Variants in EIF2S2 observed in about 807,000 individuals in gnomAD.
EIF2S2 encodes the protein eukaryotic translation initiation factor 2 subunit 2.
Under a neutral mutation model 44.0 loss-of-function variants are expected in EIF2S2, and 4 were observed. The ratio of observed to expected loss-of-function variants is 0.09; its 90% CI spans 0.04 to 0.21. The LOEUF (loss-of-function observed/expected upper bound fraction) is 0.21. EIF2S2 is among the 10% of genes least tolerant of loss of function. EIF2S2 has a pLI of 1.00. For synonymous variants in EIF2S2, 108 were observed against 128.3 expected, an observed-to-expected ratio of 0.84 and a Z score of 1.07; for missense variants, 154 against 392.0, an observed-to-expected ratio of 0.39 and a Z score of 5.13.
At chr20:34,093,615 C>A in intron 7 of EIF2S2, 60 bp downstream of exon 7, 1 of 1,436,798 alleles carries the variant, frequency 7.0e-7, no homozygotes, top group South Asian at 1.3e-5. Context: ...ATATCCTTTT[C>A]AAGAAAGGTT....
At chr20:34,095,073 G>A (rs1405632630) in intron 6 of EIF2S2, among the ~76,000 whole-genome samples, 4 of 152,118 alleles carry the variant, frequency 2.6e-5, no homozygotes, top group African/African-American at 4.8e-5. Context: ...AAAGATGTTC[G>A]GTGAAGTTTT....
chr20:34,103,673 A>G (rs2034318330), intron 2 of EIF2S2, 108 bp from the exon 3 acceptor site: 2 of 1,352,298 alleles, frequency 1.5e-6, no homozygotes, highest in Non-Finnish European at 9.6e-7. Flanking sequence ...AAGACTGACT[A>G]TTAATTAGTC....
chr20:34,091,264 T>C (rs2034159098), intron 7 of EIF2S2, among the ~76,000 whole-genome samples: 1 of 152,214 alleles, frequency 6.6e-6, no homozygotes, highest in Non-Finnish European at 1.5e-5. Flanking sequence ...AGGAGAGACC[T>C]AGAAATATAA....
intron 4 of EIF2S2, 83 bp downstream of exon 4, chr20:34,098,415 A>C: frequency 1.3e-6 from 2 of 1,510,286 alleles, no homozygotes; most frequent in Non-Finnish European, 1.8e-6. Context: ...AAAAATTTTA[A>C]AAGCACCCTC....
At position 34,093,002 on chromosome 20, in the gene EIF2S2, ATTG is replaced by A. The variant is rs1489855082; in HGVS notation, c.740+670_740+672del. ...ATATTACTTTCTACTTCATAGAACT[ATTG>A]TGAAGATTAATTGAGATGGCACCCA... On this transcript the variant is annotated intron_variant, in intron 7 of 8. Transcript: ENST00000374980. 2.0e-5 allele frequency among the ~76,000 whole-genome samples: 3 copies of A among 152,334 alleles called. No homozygotes were observed. In the East Asian group the frequency reaches 5.8e-4, roughly 29 times the overall value.
chr20:34,105,930 TG>T (rs946359792), intron 1 of EIF2S2, among the ~76,000 whole-genome samples: 2 of 152,156 alleles, frequency 1.3e-5, no homozygotes, highest in African/African-American at 4.8e-5. Flanking sequence ...TTTTTTGTAT[TG>T]TTTTTTCTTT....
chr20:34,109,035 A>G (rs2034380629), intron 1 of EIF2S2, among the ~76,000 whole-genome samples: 1 of 151,988 alleles, frequency 6.6e-6, no homozygotes, highest in Non-Finnish European at 1.5e-5. Flanking sequence ...TGCAGCCTCG[A>G]ACTCCTGGCC....
At chr20:34,110,096 C>CAA (rs11167227) in intron 1 of EIF2S2, among the ~76,000 whole-genome samples, 1,097 of 86,128 alleles carry the variant, frequency 0.013, 17 homozygotes, top group African/African-American at 0.045. Context: ...AATTCCATCT[C>CAA]AAAAAAAAAA....
chr20:34,097,385 T>C (rs1289453749), intron 5 of EIF2S2, 31 bp downstream of exon 5: 1 of 1,556,860 alleles, frequency 6.4e-7, no homozygotes, highest in Non-Finnish European at 8.8e-7. Context: ...GTGAATAGCT[T>C]AGCCCCTTTT....
chr20:34,097,031 A>G (rs1350425495), intron 5 of EIF2S2, among the ~76,000 whole-genome samples: 5 of 152,224 alleles, frequency 3.3e-5, no homozygotes. Flanking sequence ...TGAATGAACA[A>G]CCACTCATTC....
intron 3 of EIF2S2, 146 bp downstream of exon 3, chr20:34,103,316 T>C: frequency 9.0e-7 from 1 of 1,111,894 alleles, no homozygotes; most frequent in Non-Finnish European, 1.2e-6. Context: ...TCAGACACAC[T>C]CCCAAGAAAA....
intron 5 of EIF2S2, 74 bp from the exon 6 acceptor site, chr20:34,096,879 T>C: frequency 6.9e-7 from 1 of 1,447,416 alleles, no homozygotes; most frequent in Non-Finnish European, 9.3e-7. Context: ...TGAGTCATGT[T>C]GCTTAACAGC....
intron 3 of EIF2S2, among the ~76,000 whole-genome samples, chr20:34,099,787 C>T (rs977722797): frequency 2.0e-5 from 3 of 152,086 alleles, no homozygotes; most frequent in Non-Finnish European, 4.4e-5. Context: ...CTTACTACTG[C>T]CAATTTATTA....
At chr20:34,093,755 A>G (rs753827901) in intron 6 of EIF2S2, 24 bp from the exon 7 acceptor site, 1 of 1,578,376 alleles carries the variant, frequency 6.3e-7, no homozygotes, top group African/African-American at 1.4e-5. Flanking sequence ...CAAAATATAT[A>G]AACCTTATCT....
chr20:34,089,336 C>T lies in EIF2S2; in HGVS notation c.*394G>A, dbSNP rs964859092. The T allele has an allele frequency of 6.2e-6, 1 of 162,390 alleles. No homozygotes were observed. Among genetic ancestry groups the T allele is most frequent in the African/African-American group, 2.4e-5 (1 of 41,760 alleles). The allele number at this position is 162,390 out of a possible 1,614,324, so 10.1% of individuals were successfully genotyped here. ...AAGCGCCTGCCATTGTTCAGTTTCTCAGTCAGAGCCCGGCACACACTGTTT... is the reference window on the plus strand; with the variant it reads ...AAGCGCCTGCCATTGTTCAGTTTCTTAGTCAGAGCCCGGCACACACTGTTT... On this transcript the variant is annotated 3_prime_UTR_variant, in exon 9 of 9. Coordinates refer to ENST00000374980, the MANE Select transcript of EIF2S2 (RefSeq NM_003908.5).
intron 1 of EIF2S2, among the ~76,000 whole-genome samples, chr20:34,106,844 C>T (rs894497259): frequency 3.3e-5 from 5 of 152,142 alleles, no homozygotes; most frequent in African/African-American, 1.2e-4. Context: ...GTTATCTAGA[C>T]ATAATAGTTT....
intron 1 of EIF2S2, among the ~76,000 whole-genome samples, chr20:34,109,942 A>G (rs550824437): frequency 3.3e-5 from 5 of 151,696 alleles, no homozygotes; most frequent in Admixed American, 3.3e-4. Flanking sequence ...AAAAATACAA[A>G]AAAAAAATTA....
rs2034138385 is a variant in EIF2S2 at position 34,089,569 on chromosome 20, G to A, written c.*161C>T. 1.5e-6 allele frequency: 1 copy of A among 656,626 alleles called. No individual in the cohort carries two copies. The allele number at this position is 656,626 out of a possible 1,614,324, so 40.7% of individuals were successfully genotyped here. A position where few individuals can be genotyped will look rare whatever the true frequency, so the allele number is the denominator to read the frequency against. On this transcript the variant is annotated 3_prime_UTR_variant, in exon 9 of 9. Transcript: ENST00000374980. ...AAAGTAGGCAATGAGTATGTCAACAGCTTGAGCATCAGCGTCTTGCAAGGA... is the reference window on the plus strand; with the variant it reads ...AAAGTAGGCAATGAGTATGTCAACAACTTGAGCATCAGCGTCTTGCAAGGA...
At chr20:34,099,001 C>G (rs547833007) in intron 3 of EIF2S2, among the ~76,000 whole-genome samples, 2 of 152,218 alleles carry the variant, frequency 1.3e-5, no homozygotes, top group South Asian at 2.1e-4. Context: ...ATCTTTCCCC[C>G]TCATTCATCT....
Sources: allele counts gnomAD v4.1 joint callset (sites outside exome capture counted in the v4.1 genomes callset), GRCh38; gene constraint gnomAD v4.1.1; transcripts MANE v1.5; gene names NCBI Gene and HGNC (gene_info 2026-07-23, HGNC 2026-07-21).